PPM1G: variants seen among roughly 807,000 people sequenced by gnomAD.
PPM1G encodes protein phosphatase, Mg2+/Mn2+ dependent 1G.
Under a neutral mutation model 59.4 loss-of-function variants are expected in PPM1G, and 12 were observed. The ratio of observed to expected loss-of-function variants is 0.20; its 90% confidence interval spans 0.13 to 0.33. The LOEUF is 0.33. PPM1G is among the 10% of genes least tolerant of loss of function. The pLI is 1.00. For missense variants in PPM1G, 392 were observed against 681.3 expected, an observed-to-expected ratio of 0.58 and a Z score of 4.73; for synonymous variants, 245 against 251.9, an observed-to-expected ratio of 0.97 and a Z score of 0.26.
At chr2:27,392,864 C>G in intron 1 of PPM1G, 2 of 1,458,614 alleles carry the variant, frequency 1.4e-6, no homozygotes, top group South Asian at 1.1e-5. Context: ...GCTCCCATCT[C>G]GTGCATGTTG....
intron 9 of PPM1G, 24 bp from the exon 10 acceptor site, chr2:27,381,829 C>T (rs899237408): frequency 1.7e-5 from 28 of 1,608,938 alleles, no homozygotes; most frequent in Non-Finnish European, 2.3e-5. Context: ...GGGGGTAGCT[C>T]AGCCACAGGG....
intron 1 of PPM1G, among the ~76,000 whole-genome samples, chr2:27,391,881 G>A (rs367543580): frequency 7.3e-5 from 11 of 151,700 alleles, no homozygotes; most frequent in Non-Finnish European, 1.0e-4. Flanking sequence ...ACAGGCACGC[G>A]CCGCCACGCC....
chr2:27,384,952 C>A lies in PPM1G; in HGVS notation c.546G>T (p.Gly182=), dbSNP rs751203077. 1 of 1,614,204 alleles carries A rather than the reference C, an allele frequency of 6.2e-7. No homozygotes were observed. The highest frequency in any genetic ancestry group is 8.5e-7 in the Non-Finnish European group (1 of 1,180,048). The change falls in exon 5 of 10, where the codon GGG becomes GGT. Residue 182 remains glycine (G), a synonymous_variant. Transcript: ENST00000344034. This position sits in a 1 kb window ranked among gnomAD's most constrained non-coding sequence, Gnocchi z 4.8. ...CTGCCTCCCCATTGAGGCCCTGGGA[C>A]CCTGGTTCCTCGCCTGTCCCACCTC... The part of the protein sequence containing the change: ...KSGGGTGEEP[G]SQGLNGEAGP...
chr2:27,396,478 A>G (rs1189259361), intron 1 of PPM1G, among the ~76,000 whole-genome samples: 2 of 152,108 alleles, frequency 1.3e-5, no homozygotes, highest in Non-Finnish European at 2.9e-5. Context: ...AACTGGGTAC[A>G]CAACAATGTG....
chr2:27,395,233 C>CAAAAAAAAA (rs775943242), intron 1 of PPM1G, among the ~76,000 whole-genome samples: 2 of 89,558 alleles, frequency 2.2e-5, no homozygotes, highest in African/African-American at 4.3e-5. Flanking sequence ...GACTCTGTCT[C>CAAAAAAAAA]AAAAAAAAAA....
rs191157968 is a variant in PPM1G, at chr2:27,387,721, G to A, written c.121-563C>T. Among the ~76,000 whole-genome samples, 156 of 152,220 alleles carry A rather than the reference G, an allele frequency of 1.0e-3. 1 individual carries two copies. The highest frequency in any genetic ancestry group is 3.5e-3 in the African/African-American group (147 of 41,538). On this transcript the variant is annotated intron_variant, in intron 1 of 9. Transcript: ENST00000344034. ...TCACCATGTTGGTCAGGCTGGTCTC[G>A]AACTCCTGACCTTGTGATCTGCCTG...
At chr2:27,398,134 A>G (rs527319147) in intron 1 of PPM1G, among the ~76,000 whole-genome samples, 11 of 152,334 alleles carry the variant, frequency 7.2e-5, no homozygotes, top group Middle Eastern at 6.8e-3. Flanking sequence ...AGTAACCAAG[A>G]TAGTGTATTA....
At position 27,383,445 on chromosome 2, in the gene PPM1G, T is replaced by C; in HGVS notation, c.1122A>G (p.Leu374=). 1 of 1,614,200 alleles carries C rather than the reference T, an allele frequency of 6.2e-7. No homozygotes were observed. The highest frequency in any genetic ancestry group is 8.5e-7 in the Non-Finnish European group (1 of 1,180,038). Residue 374 remains leucine (L), a synonymous_variant, in exon 7 of 10, where the codon CTA becomes CTG. Transcript: ENST00000344034. This position sits in a 1 kb window ranked among gnomAD's most constrained non-coding sequence, Gnocchi z 5.0. ...YDHKPEDEVE[L]ARIKNAGGKV... ...TGCCACCAGCATTCTTGATGCGTGCTAGTTCTACTTCATCCTCTGGTTTGT... is the reference window on the plus strand; with the variant it reads ...TGCCACCAGCATTCTTGATGCGTGCCAGTTCTACTTCATCCTCTGGTTTGT...
intron 2 of PPM1G, chr2:27,386,635 A>G (rs537963069): frequency 2.8e-5 from 5 of 180,996 alleles, no homozygotes; most frequent in East Asian, 3.0e-4. Context: ...GCTCACTGCA[A>G]CCTCCACCTC....
In PPM1G at chr2:27,381,661, A is replaced by C; in HGVS notation, c.1579T>G (p.Ser527Ala). Reference sequence around the variant, plus strand: ...CCATTTTCTTCAGCCCCCTCAGTAGAGAGCACCTCCTCTAGTTTTCGCTTG... The same window carrying C: ...CCATTTTCTTCAGCCCCCTCAGTAGCGAGCACCTCCTCTAGTTTTCGCTTG... The part of the protein sequence containing the change: ...SGKRKLEEVL[S>A]TEGAEENGNS... Residue 527 changes from serine (S) to alanine (A), a missense_variant, in exon 10 of 10, where the codon TCT becomes GCT. Ser to Ala is a moderately conservative substitution (Grantham distance 99). This residue lies in a region of PPM1G where 49 missense variants were observed against 43.4 expected (regional missense o/e 1.13). Transcript: ENST00000344034. 1 of 1,614,038 alleles carries C rather than the reference A, an allele frequency of 6.2e-7. No individual in the cohort carries two copies. The highest frequency in any genetic ancestry group is 8.5e-7 in the Non-Finnish European group (1 of 1,180,022).
At chr2:27,392,611 T>TGG (rs35793123) in intron 1 of PPM1G, among the ~76,000 whole-genome samples, 4,081 of 101,822 alleles carry the variant, frequency 0.04, 93 homozygotes, top group African/African-American at 0.081. Flanking sequence ...ATTTTTTTTT[T>TGG]GGGGGGGGGG....
chr2:27,381,606 C>G lies in PPM1G; in HGVS notation c.1634G>C (p.Arg545Pro), dbSNP rs1683632078. ...GNSDKKKKAK[R>P]D ...CAGGGGTCTGGATGACTGCTAGTCT[C>G]GCTTGGCCTTCTTCTTCTTGTCGCT... Residue 545 changes from arginine (R) to proline (P), a missense_variant, in exon 10 of 10, where the codon CGA becomes CCA. Physicochemically the swap from Arg to Pro is moderately radical, Grantham distance 103 (BLOSUM62 -2). This residue lies in a region of PPM1G where 49 missense variants were observed against 43.4 expected (regional missense o/e 1.13). Coordinates refer to ENST00000344034, the MANE Select transcript of PPM1G (RefSeq NM_177983.3). The G allele has an allele frequency of 6.2e-7, 1 of 1,614,106 alleles. No individual in the cohort carries two copies. Among genetic ancestry groups the G allele is most frequent in the South Asian group, 1.1e-5 (1 of 91,080 alleles).
chr2:27,382,407 G>T lies in PPM1G; in HGVS notation c.1331+69C>A, dbSNP rs1280533315. 1.0e-5 allele frequency: 16 copies of T among 1,600,820 alleles called. No individual in the cohort carries two copies. In the Admixed American group the frequency reaches 1.4e-4, roughly 14 times the overall value. ...GTCTGCCTAGGCTCTAATCCTAGAG[G>T]TGCCCTGAGTCCTATAAGAGAAGAC... On this transcript the variant is annotated intron_variant, in intron 8 of 9. Transcript: ENST00000344034. This position sits in a 1 kb window ranked among gnomAD's most constrained non-coding sequence, Gnocchi z 4.2.
intron 1 of PPM1G, among the ~76,000 whole-genome samples, chr2:27,395,233 C>CAAAAAAAAAAAA (rs775943242): frequency 4.5e-5 from 4 of 89,534 alleles, no homozygotes; most frequent in Non-Finnish European, 8.9e-5. Flanking sequence ...GACTCTGTCT[C>CAAAAAAAAAAAA]AAAAAAAAAA....
At chr2:27,405,243 C>A (rs1322117742) in intron 1 of PPM1G, among the ~76,000 whole-genome samples, 1 of 151,606 alleles carries the variant, frequency 6.6e-6, no homozygotes, top group East Asian at 2.0e-4. Flanking sequence ...CCAGCTAATT[C>A]TTGTATTTTA....
chr2:27,392,086 A>G (rs900896677), intron 1 of PPM1G, among the ~76,000 whole-genome samples: 15 of 150,420 alleles, frequency 1.0e-4, no homozygotes, highest in Admixed American at 6.6e-5. Flanking sequence ...GGAAATCAGC[A>G]GTCTGCAAAA....
intron 1 of PPM1G, among the ~76,000 whole-genome samples, chr2:27,401,989 A>G (rs1415338895): frequency 6.6e-6 from 1 of 152,164 alleles, no homozygotes; most frequent in Non-Finnish European, 1.5e-5. Flanking sequence ...ACCATACAGT[A>G]TATGAACTCT....
At chr2:27,397,733 G>A (rs1321465998) in intron 1 of PPM1G, among the ~76,000 whole-genome samples, 1 of 152,146 alleles carries the variant, frequency 6.6e-6, no homozygotes, top group African/African-American at 2.4e-5. Flanking sequence ...GCCCAGTATG[G>A]TGGTGCATGC....
chr2:27,393,281 G>C, intron 1 of PPM1G: 1 of 1,596,972 alleles, frequency 6.3e-7, no homozygotes, highest in South Asian at 1.1e-5. Flanking sequence ...AGGAGGCGTA[G>C]AGCTCCAGGT....
Sources: allele counts gnomAD v4.1 joint callset (sites outside exome capture counted in the v4.1 genomes callset), GRCh38; gene constraint gnomAD v4.1.1; regional missense constraint gnomAD v4.1.1; non-coding constraint Gnocchi (gnomAD v3.1); transcripts MANE v1.5; gene names NCBI Gene and HGNC (gene_info 2026-07-23, HGNC 2026-07-21).